FRY: variants seen among roughly 807,000 people sequenced by gnomAD.
FRY encodes FRY microtubule binding protein.
Under a neutral mutation model 348.4 loss-of-function variants are expected in FRY, and 128 were observed. That is an observed-to-expected ratio of 0.37 (90% confidence interval 0.32 to 0.43). FRY has a LOEUF of 0.43. FRY is among the 20% of genes least tolerant of loss of function. The pLI is 1.00. For missense variants in FRY, 2,736 were observed against 3,695.2 expected (o/e 0.74, Z 6.73); for synonymous variants, 1,370 against 1,374.7 (o/e 1.00, Z 0.08).
At chr13:32,278,236 G>A (rs1888633434) in intron 57 of FRY, among the ~76,000 whole-genome samples, 1 of 152,150 alleles carries the variant, frequency 6.6e-6, no homozygotes, top group African/African-American at 2.4e-5. Context: ...GTATAATATT[G>A]AAATTGTGTT....
chr13:32,062,098 T>A (rs935239877), intron 1 of FRY, among the ~76,000 whole-genome samples: 1 of 151,824 alleles, frequency 6.6e-6, no homozygotes, highest in Admixed American at 6.6e-5. Context: ...CTTCTGTTTC[T>A]AGGAAAAAAA....
At chr13:32,053,539 T>G (rs1873455325) in intron 1 of FRY, among the ~76,000 whole-genome samples, 1 of 152,194 alleles carries the variant, frequency 6.6e-6, no homozygotes, top group Admixed American at 6.5e-5. Flanking sequence ...ACTGTGTTAG[T>G]TTTCCAAGGT....
intron 58 of FRY, among the ~76,000 whole-genome samples, chr13:32,285,472 A>T (rs1474927756): frequency 6.6e-6 from 1 of 152,170 alleles, no homozygotes; most frequent in Non-Finnish European, 1.5e-5. Context: ...CCCAAGAAAA[A>T]CACTGTTTTG....
intron 55 of FRY, among the ~76,000 whole-genome samples, chr13:32,273,314 T>TG (rs1491386378): frequency 3.4e-5 from 5 of 146,146 alleles, no homozygotes; most frequent in African/African-American, 1.3e-4. Flanking sequence ...CTCCGCCCCC[T>TG]GGGGTTCACG....
intron 17 of FRY, among the ~76,000 whole-genome samples, chr13:32,165,972 G>A (rs1049158973): frequency 3.3e-5 from 5 of 152,114 alleles, no homozygotes; most frequent in African/African-American, 1.2e-4. Flanking sequence ...CTCCATCACC[G>A]CAGACAGGGC....
intron 31 of FRY, among the ~76,000 whole-genome samples, chr13:32,208,602 T>A (rs1415448419): frequency 6.6e-6 from 1 of 152,222 alleles, no homozygotes; most frequent in South Asian, 2.1e-4. Flanking sequence ...GGATTTGAAC[T>A]CACTCCACTT....
At chr13:32,049,043 G>A (rs1873181342) in intron 1 of FRY, among the ~76,000 whole-genome samples, 1 of 152,184 alleles carries the variant, frequency 6.6e-6, no homozygotes. Flanking sequence ...TGAAAGGGAA[G>A]GTGTAAGGAA....
At chr13:32,097,693 G>A (rs1322584406) in intron 2 of FRY, among the ~76,000 whole-genome samples, 6 of 151,892 alleles carry the variant, frequency 4.0e-5, no homozygotes. Flanking sequence ...TGGAGCTGTA[G>A]TATTAGCTCT....
At chr13:32,289,430 C>T (rs1889224063) in intron 58 of FRY, among the ~76,000 whole-genome samples, 1 of 152,122 alleles carries the variant, frequency 6.6e-6, no homozygotes, top group Admixed American at 6.5e-5. Context: ...ATCCATTACA[C>T]AAACTATAAT....
intron 11 of FRY, among the ~76,000 whole-genome samples, chr13:32,144,975 C>T (rs1028794900): frequency 3.3e-5 from 5 of 152,098 alleles, no homozygotes; most frequent in African/African-American, 1.2e-4. Context: ...GAGAAGGCTT[C>T]ACAAAGGAGA....
chr13:32,249,780 C>G, intron 49 of FRY, 93 bp downstream of exon 49: 2 of 1,150,492 alleles, frequency 1.7e-6, no homozygotes, highest in Non-Finnish European at 2.6e-6. Flanking sequence ...CTCACCATCC[C>G]AAGGTTGCCC....
At chr13:32,185,192 C>G (rs754591000) in intron 26 of FRY, 44 bp downstream of exon 26, 1 of 1,554,658 alleles carries the variant, frequency 6.4e-7, no homozygotes, top group East Asian at 2.2e-5. Context: ...TGCTTGGAAG[C>G]CCATTCGTGT....
chr13:32,141,509 C>A (rs976806816), intron 11 of FRY, among the ~76,000 whole-genome samples: 1 of 152,162 alleles, frequency 6.6e-6, no homozygotes, highest in Non-Finnish European at 1.5e-5. Context: ...TAGGTCTTTA[C>A]CTTAACATAC....
intron 55 of FRY, among the ~76,000 whole-genome samples, chr13:32,268,505 A>T (rs7998754): frequency 0.02 from 535 of 26,392 alleles, 5 homozygotes; most frequent in African/African-American, 0.031. Flanking sequence ...AAAAAAAAAA[A>T]ATATATATAT....
chr13:32,225,860 T>C lies in FRY; in HGVS notation c.5092T>C (p.Ser1698Pro). 1.9e-6 allele frequency: 3 copies of C among 1,614,160 alleles called. No individual in the cohort carries two copies. The highest frequency in any genetic ancestry group is 2.5e-6 in the Non-Finnish European group (3 of 1,179,970). ...GCTTCTTCACCTCTTGATTGCCCTCTCTTGCAACAGCAATTTCCATTCCAT... is the reference window on the plus strand; with the variant it reads ...GCTTCTTCACCTCTTGATTGCCCTCCCTTGCAACAGCAATTTCCATTCCAT... ...KLLLHLLIAL[S>P]CNSNFHSIAS... Residue 1698 changes from serine to proline, a missense_variant, in exon 39 of 61, where the codon TCT becomes CCT. By Grantham distance (74) the Ser-to-Pro change is moderately conservative. Transcript: ENST00000542859.
chr13:32,230,669 T>C (rs1020835918), intron 40 of FRY, among the ~76,000 whole-genome samples: 4 of 152,214 alleles, frequency 2.6e-5, no homozygotes, highest in Non-Finnish European at 4.4e-5. Flanking sequence ...TTTGGGTATA[T>C]ACTCGGTAAT....
intron 32 of FRY, 30 bp downstream of exon 32, chr13:32,209,139 G>C (rs570902439): frequency 4.3e-6 from 7 of 1,613,374 alleles, no homozygotes; most frequent in Middle Eastern, 1.7e-4. Flanking sequence ...GCTTCAAATA[G>C]CATGGCTCCA....
At chr13:32,136,773 C>G (rs1167987686) in intron 10 of FRY, 98 bp from the exon 11 acceptor site, 1 of 812,910 alleles carries the variant, frequency 1.2e-6, no homozygotes. Flanking sequence ...CCCACAGGGC[C>G]CCCGAGGGAG....
chr13:32,075,478 G>T (rs535833718), intron 1 of FRY, among the ~76,000 whole-genome samples: 1 of 152,310 alleles, frequency 6.6e-6, no homozygotes, highest in African/African-American at 2.4e-5. Flanking sequence ...AGACTACTGT[G>T]AATTTAGAAA....
Sources: allele counts gnomAD v4.1 joint callset (sites outside exome capture counted in the v4.1 genomes callset), GRCh38; gene constraint gnomAD v4.1.1; transcripts MANE v1.5; gene names NCBI Gene and HGNC (gene_info 2026-07-23, HGNC 2026-07-21).